The following GRID2 variants were observed in gnomAD, a reference collection of about 807,000 sequenced individuals.
GRID2 encodes the protein glutamate ionotropic receptor delta type subunit 2, also known as glutamate receptor ionotropic, delta-2.
Under a neutral mutation model 114.8 loss-of-function variants are expected in GRID2, and 33 were observed. That is an observed-to-expected ratio of 0.29 (90% confidence interval 0.22 to 0.38). The LOEUF is 0.38. Ranked by LOEUF, GRID2 falls within the 10% of genes least tolerant of loss-of-function variation. The probability of loss-of-function intolerance (pLI) is 1.00; values close to 1 mark genes in which losing one functional copy is unlikely to be tolerated. For missense variants in GRID2, 1,184 were observed against 1,257.7 expected (o/e 0.94, Z 0.89); for synonymous variants, 505 against 449.9 (o/e 1.12, Z -1.55).
chr4:93,680,076 TA>T (rs1725357324), intron 14 of GRID2, among the ~76,000 whole-genome samples: 1 of 150,686 alleles, frequency 6.6e-6, no homozygotes, highest in African/African-American at 2.5e-5. Flanking sequence ...ATAGATGCAA[TA>T]AAAAATGATA....
rs187451447 is a variant in GRID2, at chr4:92,781,102, G to T, written c.244+190816G>T. Among the ~76,000 whole-genome samples the T allele has an allele frequency of 2.0e-3, 311 of 151,888 alleles. 1 individual carries two copies. Among genetic ancestry groups the T allele is most frequent in the Non-Finnish European group, 3.5e-3 (239 of 67,914 alleles). Reference sequence around the variant, plus strand: ...TCTACTAAAAATACAAAAATTAGCCGGGCATGGTGGCACGTGCCTTTTAGT... The same window carrying T: ...TCTACTAAAAATACAAAAATTAGCCTGGCATGGTGGCACGTGCCTTTTAGT... On this transcript the variant is annotated intron_variant, in intron 2 of 15. Transcript: ENST00000282020.
intron 14 of GRID2, among the ~76,000 whole-genome samples, chr4:93,636,774 C>T (rs1401743763): frequency 6.6e-6 from 1 of 152,032 alleles, no homozygotes; most frequent in Non-Finnish European, 1.5e-5. Context: ...ACTGAGTGAG[C>T]CTTTGGCATG....
chr4:92,620,526 G>A (rs1199955515), intron 2 of GRID2, among the ~76,000 whole-genome samples: 2 of 151,676 alleles, frequency 1.3e-5, no homozygotes, highest in Non-Finnish European at 2.9e-5. Flanking sequence ...AACTGGACAA[G>A]TATACAATTA....
At chr4:93,346,199 T>G (rs1760218348) in intron 8 of GRID2, among the ~76,000 whole-genome samples, 1 of 152,188 alleles carries the variant, frequency 6.6e-6, no homozygotes, top group Non-Finnish European at 1.5e-5. Flanking sequence ...ATTAGTAGTT[T>G]GATTTCAAAT....
intron 14 of GRID2, among the ~76,000 whole-genome samples, chr4:93,738,676 A>C (rs1329629048): frequency 1.3e-5 from 2 of 152,154 alleles, no homozygotes; most frequent in African/African-American, 4.8e-5. Flanking sequence ...AGATGTGCAC[A>C]CTTGGAGAAG....
intron 2 of GRID2, among the ~76,000 whole-genome samples, chr4:92,676,472 G>A (rs762837254): frequency 6.6e-6 from 1 of 151,948 alleles, no homozygotes; most frequent in Non-Finnish European, 1.5e-5. Context: ...GAGCCACCAC[G>A]CCCGGCTGAG....
chr4:93,125,823 A>G (rs2149367965), intron 4 of GRID2, among the ~76,000 whole-genome samples: 1 of 152,338 alleles, frequency 6.6e-6, no homozygotes, highest in Non-Finnish European at 1.5e-5. Context: ...CTTAAGTTTA[A>G]TATCCATAAA....
chr4:93,108,279 T>C (rs1418738142), intron 3 of GRID2, among the ~76,000 whole-genome samples: 1 of 152,194 alleles, frequency 6.6e-6, no homozygotes, highest in African/African-American at 2.4e-5. Context: ...TTTGTTTACT[T>C]GTTTATTGTC....
chr4:93,595,018 A>G (rs370138622), intron 13 of GRID2, among the ~76,000 whole-genome samples: 6 of 152,092 alleles, frequency 3.9e-5, no homozygotes, highest in African/African-American at 1.4e-4. Flanking sequence ...CATCTTCTGC[A>G]TCGCTCAGGC....
At chr4:93,041,525 G>T (rs1475840897) in intron 2 of GRID2, among the ~76,000 whole-genome samples, 1 of 152,012 alleles carries the variant, frequency 6.6e-6, no homozygotes, top group Non-Finnish European at 1.5e-5. Flanking sequence ...TCATATGAGG[G>T]GAACTTTAAT....
At chr4:93,604,871 C>G (rs1372806573) in intron 13 of GRID2, among the ~76,000 whole-genome samples, 2 of 152,118 alleles carry the variant, frequency 1.3e-5, no homozygotes, top group South Asian at 4.1e-4. Flanking sequence ...AAACATGATG[C>G]CATTGCACAC....
intron 9 of GRID2, among the ~76,000 whole-genome samples, chr4:93,411,020 C>G (rs952105577): frequency 2.6e-5 from 4 of 152,150 alleles, no homozygotes; most frequent in African/African-American, 7.2e-5. Context: ...CCTAGCCTCT[C>G]TCTCCTGCTT....
intron 15 of GRID2, among the ~76,000 whole-genome samples, chr4:93,771,284 TTTTG>T (rs1734085432): frequency 6.6e-6 from 1 of 152,194 alleles, no homozygotes; most frequent in African/African-American, 2.4e-5. Context: ...TTACTTATAT[TTTTG>T]TTTATTAACT....
At chr4:92,928,012 T>G (rs2149516209) in intron 2 of GRID2, among the ~76,000 whole-genome samples, 1 of 151,764 alleles carries the variant, frequency 6.6e-6, no homozygotes, top group Middle Eastern at 3.4e-3. Flanking sequence ...CAGATTTGGG[T>G]TTTTGGATTC....
Position 92,399,750 on chromosome 4 carries a change from ATTATT to A in GRID2, c.88+95012_88+95016del, listed in dbSNP as rs1213260986. Among the ~76,000 whole-genome samples the A allele has an allele frequency of 4.0e-5, 6 of 151,712 alleles. No homozygotes were observed. The East Asian group carries it at 9.7e-4, about 25-fold the overall frequency. On this transcript the variant is annotated intron_variant, in intron 1 of 15. Transcript: ENST00000282020. ...AAAATTTTTCAGGTAGGCAAAACAT[ATTATT>A]TTATTGTAATTAGAATTTCAGAGCT... is the stretch of plus-strand genomic sequence containing the variant.
chr4:93,070,667 T>C (rs929095202), intron 2 of GRID2, among the ~76,000 whole-genome samples: 3 of 152,106 alleles, frequency 2.0e-5, no homozygotes, highest in African/African-American at 7.2e-5. Context: ...TGAGTTTTGA[T>C]AGTTGCTATA....
Position 92,329,480 on chromosome 4 carries a change from G to C in GRID2, c.88+24736G>C, listed in dbSNP as rs185899752. On this transcript the variant is annotated intron_variant, in intron 1 of 15. Coordinates refer to ENST00000282020, the MANE Select transcript of GRID2 (RefSeq NM_001510.4). ...CATTTACTTAGTGTCTGTCCTGTTGGTCATTTGTAAGATAAAATTGGCAGA... is the reference window on the plus strand; with the variant it reads ...CATTTACTTAGTGTCTGTCCTGTTGCTCATTTGTAAGATAAAATTGGCAGA... Among the ~76,000 whole-genome samples, 23 of 151,930 alleles carry C rather than the reference G, an allele frequency of 1.5e-4. 1 individual carries two copies. The highest frequency in any genetic ancestry group is 3.2e-4 in the Non-Finnish European group (22 of 67,954).
chr4:93,543,227 C>T (rs539328151), intron 13 of GRID2, among the ~76,000 whole-genome samples: 1 of 152,070 alleles, frequency 6.6e-6, no homozygotes. Flanking sequence ...CTTTTCAACT[C>T]TCAGACAGTT....
At chr4:92,954,584 G>A (rs375273768) in intron 2 of GRID2, among the ~76,000 whole-genome samples, 22 of 151,016 alleles carry the variant, frequency 1.5e-4, no homozygotes, top group South Asian at 8.4e-4. Flanking sequence ...CAGCCACCAT[G>A]CCCGGCTAAT....
Sources: allele counts gnomAD v4.1 joint callset (sites outside exome capture counted in the v4.1 genomes callset), GRCh38; gene constraint gnomAD v4.1.1; transcripts MANE v1.5; gene names NCBI Gene and HGNC (gene_info 2026-07-23, HGNC 2026-07-21).